The following METTL25 variants were observed in gnomAD, a reference collection of about 807,000 sequenced individuals.
The protein encoded by METTL25 is probable methyltransferase-like protein 25.
In METTL25, 64 loss-of-function variants were observed where a neutral mutation model predicts 71.6. The ratio of observed to expected loss-of-function variants is 0.89; its 90% CI spans 0.73 to 1.10. The LOEUF is 1.10. METTL25 is among the 50% of genes least tolerant of loss of function. The probability of loss-of-function intolerance (pLI) is 0.00; values close to 1 mark genes in which losing one functional copy is unlikely to be tolerated. For missense variants in METTL25, 807 were observed against 707.0 expected (o/e 1.14, Z -1.60); for synonymous variants, 287 against 250.3 (o/e 1.15, Z -1.38).
intron 1 of METTL25, 28 bp downstream of exon 1, chr12:82,358,852 A>G: frequency 6.4e-7 from 1 of 1,573,204 alleles, no homozygotes; most frequent in Non-Finnish European, 8.6e-7. Context: ...CGGGGCGGGA[A>G]GGGAGGCGGA....
In METTL25 at chr12:82,399,268, A is replaced by C. The variant is rs1239913311; in HGVS notation, c.1005A>C (p.Glu335Asp). 1 of 1,613,834 alleles carries C rather than the reference A, an allele frequency of 6.2e-7. No homozygotes were observed. The highest frequency in any genetic ancestry group is 1.3e-5 in the African/African-American group (1 of 75,056). ...PTSSQQIPNR[E>D]TSEANKERRK... is the part of the protein sequence containing the mutation. ...CTTCACAGCAAATACCCAACAGAGA[A>C]ACATCTGAAGCCAATAAAGAGAGAA... The change falls in exon 4 of 12, where the codon GAA (glutamate) becomes GAC (aspartate). Residue 335 changes from glutamate (E) to aspartate (D), a missense_variant. Physicochemically the swap from Glu to Asp is conservative, Grantham distance 45. Transcript: ENST00000248306.
intron 1 of METTL25, among the ~76,000 whole-genome samples, chr12:82,367,836 A>C (rs1258063001): frequency 6.6e-6 from 1 of 152,094 alleles, no homozygotes; most frequent in East Asian, 1.9e-4. Flanking sequence ...AACAAATAGG[A>C]GATAGCATGG....
chr12:82,359,695 G>A (rs1272053741), intron 1 of METTL25, among the ~76,000 whole-genome samples: 1 of 152,080 alleles, frequency 6.6e-6, no homozygotes, highest in Non-Finnish European at 1.5e-5. Flanking sequence ...ATTTTTGTAG[G>A]CTCAAGCTTT....
intron 5 of METTL25, among the ~76,000 whole-genome samples, chr12:82,413,419 C>T (rs1887709221): frequency 6.6e-6 from 1 of 151,954 alleles, no homozygotes; most frequent in African/African-American, 2.4e-5. Context: ...GATAAGACAA[C>T]TGTAATACAG....
chr12:82,411,352 A>G (rs918079630), intron 5 of METTL25, among the ~76,000 whole-genome samples: 3 of 152,054 alleles, frequency 2.0e-5, no homozygotes, highest in Non-Finnish European at 4.4e-5. Flanking sequence ...AAGGATTATT[A>G]TCAGGTTTCT....
rs1212914450 is a variant in METTL25 at position 82,403,035 on chromosome 12, T to G, written c.1184T>G (p.Leu395Trp). ...HTCGDLAPNTLRIFTSNSEIK... is the reference protein window; with the variant it reads ...HTCGDLAPNTWRIFTSNSEIK... ...TGTGGTGATCTGGCTCCAAATACTT[T>G]GCGAATATTTACCTCCAACTCTGAA... Residue 395 changes from leucine (L) to tryptophan (W), a missense_variant, in exon 5 of 12, where the codon TTG (leucine) becomes TGG (tryptophan). Coordinates refer to ENST00000248306, the MANE Select transcript of METTL25 (RefSeq NM_032230.3). 1 of 1,613,288 alleles carries G rather than the reference T, an allele frequency of 6.2e-7. No homozygotes were observed. Among genetic ancestry groups the G allele is most frequent in the African/African-American group, 1.3e-5 (1 of 74,888 alleles).
rs555100278 is a variant in METTL25, at chr12:82,371,891, T to C, written c.259+13067T>C. Among the ~76,000 whole-genome samples the C allele has an allele frequency of 1.1e-4, 17 of 152,314 alleles. No individual in the cohort carries two copies. In the East Asian group the frequency reaches 3.1e-3, roughly 28 times the overall value. ...TTTTCCTAATTCTCCTTAGTCCTTC[T>C]AGAACACAGGTCAACAGATGTTTAC... On this transcript the variant is annotated intron_variant, in intron 1 of 11. Coordinates refer to ENST00000248306, the MANE Select transcript of METTL25 (RefSeq NM_032230.3).
chr12:82,360,943 T>C (rs1881775542), intron 1 of METTL25, among the ~76,000 whole-genome samples: 1 of 152,186 alleles, frequency 6.6e-6, no homozygotes, highest in Non-Finnish European at 1.5e-5. Flanking sequence ...CTGCAGACCT[T>C]TGCGGTGAGT....
intron 5 of METTL25, among the ~76,000 whole-genome samples, chr12:82,405,668 G>A (rs905772839): frequency 2.6e-5 from 4 of 152,122 alleles, no homozygotes; most frequent in Non-Finnish European, 4.4e-5. Context: ...TTTGAATAGG[G>A]CATGTTAGAT....
chr12:82,358,812 G>A lies in METTL25; in HGVS notation c.247G>A (p.Glu83Lys). Reference protein sequence around the residue: ...PSETRPLVEAEWEAGMTDFPK... With the variant: ...PSETRPLVEAKWEAGMTDFPK... ...AGAGACGCGCCCCCTAGTGGAAGCA[G>A]AGTGGGAAGCAGGTGGGTGGTGGGG... The change falls in exon 1 of 12, where the codon GAG becomes AAG. Residue 83 changes from glutamate (E) to lysine (K), a missense_variant. Glu to Lys is a moderately conservative substitution (Grantham distance 56, BLOSUM62 1). Coordinates refer to ENST00000248306, the MANE Select transcript of METTL25 (RefSeq NM_032230.3). 1 of 1,612,384 alleles carries A rather than the reference G, an allele frequency of 6.2e-7. No homozygotes were observed. The highest frequency in any genetic ancestry group is 2.2e-5 in the East Asian group (1 of 44,842).
intron 5 of METTL25, among the ~76,000 whole-genome samples, chr12:82,421,280 T>C (rs776199960): frequency 6.6e-6 from 1 of 152,256 alleles, no homozygotes; most frequent in Admixed American, 6.5e-5. Flanking sequence ...TCCAGGTAGT[T>C]TGGGATTGTG....
At chr12:82,454,633 GTATTT>G (rs1565878303) in intron 8 of METTL25, among the ~76,000 whole-genome samples, 3 of 151,904 alleles carry the variant, frequency 2.0e-5, no homozygotes, top group Non-Finnish European at 4.4e-5. Context: ...AAAAAGTAGT[GTATTT>G]TGAAAGGGAA....
intron 9 of METTL25, among the ~76,000 whole-genome samples, chr12:82,458,664 GA>G (rs1788649169): frequency 6.6e-6 from 1 of 152,072 alleles, no homozygotes; most frequent in African/African-American, 2.4e-5. Context: ...TCAAGGGGAG[GA>G]AAAAATAAAC....
intron 5 of METTL25, among the ~76,000 whole-genome samples, chr12:82,427,492 A>AT (rs1001776851): frequency 1.3e-5 from 2 of 151,766 alleles, no homozygotes; most frequent in Admixed American, 6.6e-5. Flanking sequence ...GTTAAGTAGT[A>AT]TTTTTTCTAG....
intron 5 of METTL25, among the ~76,000 whole-genome samples, chr12:82,416,957 C>G (rs570426274): frequency 1.1e-4 from 17 of 152,074 alleles, no homozygotes; most frequent in African/African-American, 3.6e-4. Context: ...GTCCTGTAAC[C>G]TCTGATGCTA....
intron 5 of METTL25, among the ~76,000 whole-genome samples, chr12:82,412,585 C>T (rs1046027691): frequency 1.1e-4 from 16 of 152,128 alleles, no homozygotes; most frequent in Admixed American, 6.6e-4. Flanking sequence ...GTTTGTAAAA[C>T]ATCGCTATAT....
At chr12:82,376,816 TTAATATTA>T (rs1400792477) in intron 1 of METTL25, among the ~76,000 whole-genome samples, 1 of 152,208 alleles carries the variant, frequency 6.6e-6, no homozygotes, top group Non-Finnish European at 1.5e-5. Flanking sequence ...TTTGCAAACT[TTAATATTA>T]TAATTTATTG....
chr12:82,436,837 T>C (rs1262957475), intron 7 of METTL25, among the ~76,000 whole-genome samples: 1 of 151,636 alleles, frequency 6.6e-6, no homozygotes, highest in East Asian at 1.9e-4. Flanking sequence ...TAAACTTACC[T>C]ATTATAGCTA....
intron 1 of METTL25, among the ~76,000 whole-genome samples, chr12:82,367,983 C>A (rs1266994576): frequency 6.6e-6 from 1 of 152,048 alleles, no homozygotes; most frequent in Non-Finnish European, 1.5e-5. Flanking sequence ...AATCCTAATT[C>A]TTGTCTGAAA....
Sources: allele counts gnomAD v4.1 joint callset (sites outside exome capture counted in the v4.1 genomes callset), GRCh38; gene constraint gnomAD v4.1.1; transcripts MANE v1.5; gene names NCBI Gene and HGNC (gene_info 2026-07-23, HGNC 2026-07-21).